The following FRMD4B variants were observed in gnomAD, a reference collection of about 807,000 sequenced individuals.
FRMD4B encodes FERM domain-containing protein 4B.
In FRMD4B, 74 loss-of-function variants were observed where a neutral mutation model predicts 141.5. The observed-to-expected ratio is 0.52, with a 90% CI of 0.43 to 0.63. The LOEUF is 0.63. FRMD4B is among the 30% of genes least tolerant of loss of function. The pLI is 0.00. For synonymous variants in FRMD4B, 506 were observed against 467.9 expected, an observed-to-expected ratio of 1.08 and a Z score of -1.05; for missense variants, 1,366 against 1,253.4, an observed-to-expected ratio of 1.09 and a Z score of -1.36.
At chr3:69,297,210 A>C (rs967310909) in intron 4 of FRMD4B, among the ~76,000 whole-genome samples, 1 of 152,124 alleles carries the variant, frequency 6.6e-6, no homozygotes, top group Non-Finnish European at 1.5e-5. Flanking sequence ...CTTTCTAAAG[A>C]TCTAATGTTC....
Position 69,249,224 on chromosome 3 carries a change from A to G in FRMD4B, c.581+2T>C. 6.4e-7 allele frequency: 1 copy of G among 1,562,782 alleles called. No individual in the cohort carries two copies. The highest frequency in any genetic ancestry group is 8.8e-7 in the Non-Finnish European group (1 of 1,138,122). On this transcript the variant is annotated splice_donor_variant, in intron 7 of 22. Coordinates refer to ENST00000398540, the MANE Select transcript of FRMD4B (RefSeq NM_015123.3). LOFTEE classifies it high-confidence loss of function. ...AGTAATATCAGAAAAGAAAAGCATTACCTGGTATAATCTCCCTTGGCTTCC... is the reference window on the plus strand; with the variant it reads ...AGTAATATCAGAAAAGAAAAGCATTGCCTGGTATAATCTCCCTTGGCTTCC...
chr3:69,321,534 T>C lies in FRMD4B; in HGVS notation c.163-8017A>G, dbSNP rs147320594. Among the ~76,000 whole-genome samples the C allele has an allele frequency of 3.7e-3, 563 of 152,270 alleles. 8 individuals carry two copies. The highest frequency in any genetic ancestry group is 0.013 in the African/African-American group (534 of 41,560). ...ATCTAGGCAGGTTCCATAATTCCAA[T>C]TGAGCCCTACAGTGGTCCAAAACTG... On this transcript the variant is annotated intron_variant, in intron 1 of 22. Coordinates refer to ENST00000398540, the MANE Select transcript of FRMD4B (RefSeq NM_015123.3).
chr3:69,514,044 T>A (rs747381912), intron 1 of FRMD4B, among the ~76,000 whole-genome samples: 22 of 151,998 alleles, frequency 1.4e-4, no homozygotes, highest in Non-Finnish European at 2.4e-4. Flanking sequence ...GTATTGAAAG[T>A]CCAAGCCAGA....
At chr3:69,272,925 A>G (rs1403219860) in intron 5 of FRMD4B, among the ~76,000 whole-genome samples, 3 of 152,212 alleles carry the variant, frequency 2.0e-5, no homozygotes, top group African/African-American at 7.2e-5. Context: ...ACTCTACAAA[A>G]GTATGAAAAT....
intron 1 of FRMD4B, among the ~76,000 whole-genome samples, chr3:69,343,528 TATTA>T (rs1335245225): frequency 2.0e-5 from 3 of 151,636 alleles, no homozygotes; most frequent in Non-Finnish European, 2.9e-5. Context: ...CTAAAAATCA[TATTA>T]ATTAAACTCC....
In FRMD4B at chr3:69,452,655, G is replaced by A. The variant is rs142516415; in HGVS notation, c.-128-19894C>T. On this transcript the variant is annotated intron_variant, in intron 1 of 5. Transcript: ENST00000459638. Reference sequence around the variant, plus strand: ...CTTGGGCAGAGACTGATGAAACAGAGAGAAACTAGACATTAGTCTTGTCTT... The same window carrying A: ...CTTGGGCAGAGACTGATGAAACAGAAAGAAACTAGACATTAGTCTTGTCTT... Among the ~76,000 whole-genome samples the A allele has an allele frequency of 3.5e-3, 534 of 152,298 alleles. 6 individuals are homozygous for A. Among genetic ancestry groups the A allele is most frequent in the African/African-American group, 0.012 (498 of 41,564 alleles).
chr3:69,249,229 G>C lies in FRMD4B; in HGVS notation c.578C>G (p.Thr193Ser), dbSNP rs765995914. 6.4e-7 allele frequency: 1 copy of C among 1,567,824 alleles called. No individual in the cohort carries two copies. The highest frequency in any genetic ancestry group is 1.1e-5 in the South Asian group (1 of 88,038). ...TATCAGAAAAGAAAAGCATTACCTG[G>C]TATAATCTCCCTTGGCTTCCTAAAA... is the stretch of plus-strand genomic sequence containing the variant. ...FILQEAKGDYTSDENARKDLK... is the reference protein window; with the variant it reads ...FILQEAKGDYSSDENARKDLK... The change falls in exon 7 of 23, where the codon ACC (threonine) becomes AGC (serine). Residue 193 changes from threonine (T) to serine (S), a missense_variant. Transcript: ENST00000398540.
At chr3:69,466,267 G>C (rs919125320) in intron 1 of FRMD4B, among the ~76,000 whole-genome samples, 3 of 152,056 alleles carry the variant, frequency 2.0e-5, no homozygotes, top group African/African-American at 7.2e-5. Flanking sequence ...ATTTGTTTAA[G>C]TTCTTTGTAG....
intron 7 of FRMD4B, among the ~76,000 whole-genome samples, chr3:69,232,914 GT>G (rs58551547): frequency 0.38 from 48,488 of 127,994 alleles, 8,702 homozygotes; most frequent in East Asian, 0.75. Flanking sequence ...TTTGTTGTTT[GT>G]TTTTTTTTTT....
At chr3:69,182,098 G>C (rs1422189245) in intron 20 of FRMD4B, among the ~76,000 whole-genome samples, 1 of 152,178 alleles carries the variant, frequency 6.6e-6, no homozygotes, top group Admixed American at 6.5e-5. Flanking sequence ...TGGTACATTC[G>C]AGTGGAGGTC....
rs533863577 is a variant in FRMD4B at position 69,338,321 on chromosome 3, G to C, written c.163-24804C>G. 1.6e-4 allele frequency among the ~76,000 whole-genome samples: 25 copies of C among 152,294 alleles called. No individual in the cohort carries two copies. The South Asian group carries it at 4.4e-3, about 27-fold the overall frequency. ...GGGGACTGTTGTGAGTGGGGAGAGG[G>C]GGGAGGGATAGCATTAGGAGATATA... is the stretch of plus-strand genomic sequence containing the variant. On this transcript the variant is annotated intron_variant, in intron 1 of 22. Transcript: ENST00000398540.
At chr3:69,275,496 G>T (rs1237806683) in intron 5 of FRMD4B, among the ~76,000 whole-genome samples, 1 of 149,414 alleles carries the variant, frequency 6.7e-6, no homozygotes, top group Non-Finnish European at 1.5e-5. Flanking sequence ...CTGGAATACA[G>T]TGGCACAATC....
At chr3:69,275,766 A>G (rs2093615277) in intron 5 of FRMD4B, among the ~76,000 whole-genome samples, 1 of 152,002 alleles carries the variant, frequency 6.6e-6, no homozygotes, top group Non-Finnish European at 1.5e-5. Context: ...GAAGAGGTAA[A>G]TTTTAATGAA....
chr3:69,529,101 G>A (rs753979615), intron 1 of FRMD4B, among the ~76,000 whole-genome samples: 1 of 152,156 alleles, frequency 6.6e-6, no homozygotes, highest in Non-Finnish European at 1.5e-5. Flanking sequence ...AAGATGTAGG[G>A]TTGGCCACCA....
Position 69,224,587 on chromosome 3 carries a change from G to A in FRMD4B, c.665+20C>T. The A allele has an allele frequency of 8.2e-7, 1 of 1,215,108 alleles. No homozygotes were observed. 75.3% of individuals were successfully genotyped at this position (1,215,108 alleles called of 1,614,324 possible). ...TGGAGGCTATGAAAATGAGACACCTGTTATGTGGATTTGGCTTACCAGTAG... is the reference window on the plus strand; with the variant it reads ...TGGAGGCTATGAAAATGAGACACCTATTATGTGGATTTGGCTTACCAGTAG... On this transcript the variant is annotated intron_variant, in intron 8 of 22. Transcript: ENST00000398540.
chr3:69,395,251 G>C (rs1575786287), intron 2 of FRMD4B, among the ~76,000 whole-genome samples: 1 of 151,852 alleles, frequency 6.6e-6, no homozygotes, highest in Non-Finnish European at 1.5e-5. Context: ...TTTTTTTATG[G>C]TAGATAAAAG....
intron 2 of FRMD4B, among the ~76,000 whole-genome samples, chr3:69,395,590 A>G (rs564602667): frequency 1.3e-5 from 2 of 152,358 alleles, no homozygotes; most frequent in African/African-American, 2.4e-5. Context: ...GGCCCTTAGC[A>G]GTAAGAGCAA....
At chr3:69,425,939 A>C (rs1415413715) in intron 2 of FRMD4B, among the ~76,000 whole-genome samples, 1 of 152,260 alleles carries the variant, frequency 6.6e-6, no homozygotes, top group Non-Finnish European at 1.5e-5. Flanking sequence ...TCAGCATTAA[A>C]AAGAAATGAA....
intron 1 of FRMD4B, among the ~76,000 whole-genome samples, chr3:69,540,080 C>G (rs1186470319): frequency 3.3e-5 from 5 of 152,020 alleles, no homozygotes; most frequent in Admixed American, 3.3e-4. Context: ...GTAATCCCAG[C>G]TACAAGGGAG....
Sources: allele counts gnomAD v4.1 joint callset (sites outside exome capture counted in the v4.1 genomes callset), GRCh38; gene constraint gnomAD v4.1.1; transcripts MANE v1.5; gene names NCBI Gene and HGNC (gene_info 2026-07-23, HGNC 2026-07-21).